Variants in RAP1B observed in about 807,000 individuals in gnomAD.
The protein encoded by RAP1B is ras-related protein Rap-1b.
Under a neutral mutation model 27.5 loss-of-function variants are expected in RAP1B, and 1 was observed. The ratio of observed to expected loss-of-function variants is 0.04; its 90% CI spans 0.01 to 0.17. RAP1B has a LOEUF of 0.17. RAP1B is among the 10% of genes least tolerant of loss of function. The pLI is 1.00. For synonymous variants in RAP1B, 75 were observed against 73.1 expected (o/e 1.03, Z -0.13); for missense variants, 84 against 214.8 (o/e 0.39, Z 3.81).
intron 1 of RAP1B, among the ~76,000 whole-genome samples, chr12:68,617,642 C>A (rs973096954): frequency 5.3e-5 from 8 of 152,192 alleles, no homozygotes; most frequent in Non-Finnish European, 1.0e-4. Context: ...TGTGTACTTT[C>A]CTTCTGAAGC....
At chr12:68,614,106 T>G (rs1402453873) in intron 1 of RAP1B, among the ~76,000 whole-genome samples, 3 of 152,210 alleles carry the variant, frequency 2.0e-5, no homozygotes, top group Non-Finnish European at 2.9e-5. Flanking sequence ...TGGTAACTGA[T>G]TAGACATGTT....
rs866509002 is a variant in RAP1B, at chr12:68,659,677, T to C, written c.*428T>C. On this transcript the variant is annotated 3_prime_UTR_variant, in exon 8 of 8. Coordinates refer to ENST00000250559, the MANE Select transcript of RAP1B (RefSeq NM_001010942.3). ...TCCAAAGAGCTCCTATATAGACTAC[T>C]CCAGATAACTTCGCTTCTTTGATAC... is the stretch of plus-strand genomic sequence containing the variant. The C allele has an allele frequency of 6.6e-6, 1 of 152,560 alleles. No homozygotes were observed. The highest frequency in any genetic ancestry group is 1.5e-5 in the Non-Finnish European group (1 of 68,156). 9.5% of individuals were successfully genotyped at this position (152,560 alleles called of 1,614,324 possible).
chr12:68,616,056 A>G (rs1312335581), intron 1 of RAP1B, among the ~76,000 whole-genome samples: 1 of 151,286 alleles, frequency 6.6e-6, no homozygotes, highest in East Asian at 1.9e-4. Context: ...CTCCGCCTCC[A>G]GGGTTCACGC....
intron 1 of RAP1B, among the ~76,000 whole-genome samples, chr12:68,628,884 A>C (rs759261068): frequency 2.6e-5 from 4 of 152,258 alleles, no homozygotes; most frequent in Non-Finnish European, 5.9e-5. Context: ...CTATCATTAC[A>C]GGAAGCTCTA....
At chr12:68,616,150 G>A (rs1189319475) in intron 1 of RAP1B, among the ~76,000 whole-genome samples, 3 of 151,940 alleles carry the variant, frequency 2.0e-5, no homozygotes, top group African/African-American at 7.3e-5. Flanking sequence ...TTTTAGTAGA[G>A]ACGGGGTTTC....
At chr12:68,614,657 T>C (rs1478361166) in intron 1 of RAP1B, among the ~76,000 whole-genome samples, 1 of 152,226 alleles carries the variant, frequency 6.6e-6, no homozygotes, top group Non-Finnish European at 1.5e-5. Context: ...CTGAAGTTTT[T>C]GTTAGCCTTT....
intron 1 of RAP1B, among the ~76,000 whole-genome samples, chr12:68,633,877 C>CA (rs778183563): frequency 2.0e-5 from 3 of 151,880 alleles, no homozygotes; most frequent in African/African-American, 4.8e-5. Flanking sequence ...CTCAAAAAAA[C>CA]AAAAAAACTT....
intron 7 of RAP1B, among the ~76,000 whole-genome samples, chr12:68,658,023 G>A (rs990041614): frequency 1.1e-4 from 17 of 152,092 alleles, no homozygotes; most frequent in African/African-American, 4.1e-4. Context: ...ATCTTGCATC[G>A]GTACCTGGCA....
intron 1 of RAP1B, among the ~76,000 whole-genome samples, chr12:68,624,350 C>A (rs1426750715): frequency 6.6e-6 from 1 of 152,098 alleles, no homozygotes; most frequent in Non-Finnish European, 1.5e-5. Flanking sequence ...ACTACAGTTT[C>A]ATCTTGGTGA....
intron 1 of RAP1B, among the ~76,000 whole-genome samples, chr12:68,633,795 G>A (rs1253384302): frequency 2.0e-5 from 3 of 152,188 alleles, no homozygotes; most frequent in Non-Finnish European, 2.9e-5. Flanking sequence ...ACTTGAACTT[G>A]GGAGGTGGAG....
intron 5 of RAP1B, among the ~76,000 whole-genome samples, chr12:68,655,895 C>T (rs566740254): frequency 1.3e-5 from 2 of 152,274 alleles, no homozygotes; most frequent in East Asian, 3.9e-4. Flanking sequence ...TGGGAGCCTT[C>T]CGTCCATTAT....
At chr12:68,652,375 G>C (rs914375319) in intron 4 of RAP1B, among the ~76,000 whole-genome samples, 6 of 152,086 alleles carry the variant, frequency 3.9e-5, no homozygotes, top group Non-Finnish European at 7.4e-5. Flanking sequence ...GAACCCAGGA[G>C]GCAGAGGTTG....
In RAP1B at chr12:68,669,899, C is replaced by T. The variant is rs920484196; in HGVS notation, c.*10650C>T. On this transcript the variant is annotated 3_prime_UTR_variant, in exon 8 of 8. Coordinates refer to ENST00000250559, the MANE Select transcript of RAP1B (RefSeq NM_001010942.3). ...TCCAGAACTAGATTCCAGTATATGACGTTTATACGTGACAAAAATATATTT... is the reference window on the plus strand; with the variant it reads ...TCCAGAACTAGATTCCAGTATATGATGTTTATACGTGACAAAAATATATTT... 10 of 149,688 alleles carry T rather than the reference C, an allele frequency of 6.7e-5. No homozygotes were observed. The East Asian group carries it at 9.7e-4, about 15-fold the overall frequency. 9.3% of individuals were successfully genotyped at this position (149,688 alleles called of 1,614,324 possible). A position where few individuals can be genotyped will look rare whatever the true frequency, so the allele number is the denominator to read the frequency against.
chr12:68,649,075 A>G (rs1299163037), intron 2 of RAP1B: 2 of 285,492 alleles, frequency 7.0e-6, no homozygotes, highest in African/African-American at 4.4e-5. Context: ...TCAGAGCCAG[A>G]TAGGAATAAA....
rs796176609 is a variant in RAP1B, at chr12:68,659,550, A to G, written c.*301A>G. On this transcript the variant is annotated 3_prime_UTR_variant, in exon 8 of 8. Coordinates refer to ENST00000250559, the MANE Select transcript of RAP1B (RefSeq NM_001010942.3). ...CATCCACCAATGTTGTACATGTATG[A>G]AAATGGTGTACTGTATACTTTAACA... The G allele has an allele frequency of 1.8e-4, 54 of 303,858 alleles. No individual in the cohort carries two copies. Among genetic ancestry groups the G allele is most frequent in the South Asian group, 1.4e-3 (49 of 34,912 alleles). The allele number at this position is 303,858 out of a possible 1,614,324, so 18.8% of individuals were successfully genotyped here.
chr12:68,665,592 C>G lies in RAP1B; in HGVS notation c.*6343C>G, dbSNP rs1390660307. 1 of 152,124 alleles carries G rather than the reference C, an allele frequency of 6.6e-6. No individual in the cohort carries two copies. The highest frequency in any genetic ancestry group is 2.4e-5 in the African/African-American group (1 of 41,404). The allele number at this position is 152,124 out of a possible 1,614,324, so 9.4% of individuals were successfully genotyped here. On this transcript the variant is annotated 3_prime_UTR_variant, in exon 8 of 8. Coordinates refer to ENST00000250559, the MANE Select transcript of RAP1B (RefSeq NM_001010942.3). ...TGAGCAGCAATTGAGAATACAGCATCTTTTATGGCAAAGAGCAAAATACTA... is the reference window on the plus strand; with the variant it reads ...TGAGCAGCAATTGAGAATACAGCATGTTTTATGGCAAAGAGCAAAATACTA...
chr12:68,629,988 C>G lies in RAP1B; in HGVS notation c.-26-18711C>G, dbSNP rs1872117115. ...AGAAATTTTCAAATGTTTTTGGAAT[C>G]ATTAATACAACCCTGTCTCTCCTTC... is the stretch of plus-strand genomic sequence containing the variant. On this transcript the variant is annotated intron_variant, in intron 1 of 7. Transcript: ENST00000250559. Among the ~76,000 whole-genome samples, 3 of 152,206 alleles carry G rather than the reference C, an allele frequency of 2.0e-5. No individual in the cohort carries two copies. The South Asian group carries it at 6.2e-4, about 32-fold the overall frequency.
chr12:68,613,463 C>T (rs974313650), intron 1 of RAP1B, among the ~76,000 whole-genome samples: 1 of 151,852 alleles, frequency 6.6e-6, no homozygotes, highest in African/African-American at 2.4e-5. Flanking sequence ...TCACCCACGA[C>T]CGCGTGAAAG....
intron 4 of RAP1B, among the ~76,000 whole-genome samples, chr12:68,653,525 G>A (rs1005416000): frequency 2.0e-5 from 3 of 152,134 alleles, no homozygotes; most frequent in Non-Finnish European, 4.4e-5. Flanking sequence ...TATACATGAT[G>A]ATGTATTTTA....
Sources: allele counts gnomAD v4.1 joint callset (sites outside exome capture counted in the v4.1 genomes callset), GRCh38; gene constraint gnomAD v4.1.1; transcripts MANE v1.5; gene names NCBI Gene and HGNC (gene_info 2026-07-23, HGNC 2026-07-21).